Variants in LRP4 observed in about 807,000 individuals in gnomAD.
LRP4 encodes low-density lipoprotein receptor-related protein 4.
LRP4 carries 95 observed loss-of-function variants against 220.3 expected under a neutral mutation model. The observed-to-expected ratio is 0.43, with a 90% confidence interval of 0.37 to 0.51. The LOEUF is 0.51. LRP4 is among the 20% of genes least tolerant of loss of function. LRP4 has a pLI of 0.00. For missense variants in LRP4, 1,925 were observed against 2,567.0 expected (o/e 0.75, Z 5.40); for synonymous variants, 903 against 954.6 (o/e 0.95, Z 1.00).
At chr11:46,887,973 C>T (rs11039018) in intron 16 of LRP4, among the ~76,000 whole-genome samples, 2 of 142,976 alleles carry the variant, frequency 1.4e-5, no homozygotes, top group East Asian at 4.4e-4. Context: ...ACTGTTTACA[C>T]CACTGCACTC....
rs372443375 is a variant in LRP4, at chr11:46,879,235, G to C, written c.2895C>G (p.Thr965=). 1.1e-5 allele frequency: 17 copies of C among 1,614,108 alleles called. No individual in the cohort carries two copies. The highest frequency in any genetic ancestry group is 3.3e-4 in the Middle Eastern group (2 of 6,084). Residue 965 remains threonine (T), a synonymous_variant, in exon 21 of 38, where the codon ACC becomes ACG. Transcript: ENST00000378623. ...GERIYWTDWQ[T]KSIQSADRLT... ...GCCGGTCAGCGCTCTGTATGCTCTT[G>C]GTCTGCCAGTCAGTCCAATAGATGC...
intron 16 of LRP4, 117 bp downstream of exon 16, chr11:46,889,294 C>T: frequency 7.3e-7 from 1 of 1,377,082 alleles, no homozygotes; most frequent in Non-Finnish European, 1.0e-6. Context: ...CTCTCCAGGG[C>T]TCCCTGAGGA....
In LRP4 at chr11:46,899,511, G is replaced by A. The variant is rs150531536; in HGVS notation, c.431-8C>T. 5.0e-4 allele frequency: 798 copies of A among 1,585,514 alleles called. 14 individuals carry two copies. The East Asian group carries it at 0.018, about 35-fold the overall frequency. On this transcript the variant is annotated splice_polypyrimidine_tract_variant and splice_region_variant and intron_variant, in intron 4 of 37. Transcript: ENST00000378623. This position sits in a 1 kb window ranked among gnomAD's most constrained non-coding sequence, Gnocchi z 5.9. ...CGGAGCACTTGCGCATGTCTGGGGGGATGCGATGGGACAGCAGTTCTGAGG... is the reference window on the plus strand; with the variant it reads ...CGGAGCACTTGCGCATGTCTGGGGGAATGCGATGGGACAGCAGTTCTGAGG...
chr11:46,892,805 G>A (rs994728440), intron 13 of LRP4, among the ~76,000 whole-genome samples, 168 bp downstream of exon 13: 3 of 152,080 alleles, frequency 2.0e-5, no homozygotes, highest in African/African-American at 7.2e-5. Context: ...ACTGACCTCA[G>A]GTGATCTGCC....
intron 37 of LRP4, 152 bp from the exon 38 acceptor site, chr11:46,859,467 T>A: frequency 1.4e-6 from 1 of 702,782 alleles, no homozygotes; most frequent in Non-Finnish European, 2.6e-6. Flanking sequence ...AAGACAAGTG[T>A]ATGAGGCCTA....
intron 7 of LRP4, 147 bp downstream of exon 7, chr11:46,898,411 C>T (rs940905464): frequency 1.5e-5 from 16 of 1,075,986 alleles, no homozygotes; most frequent in African/African-American, 4.6e-5. Context: ...GTCTTGAACT[C>T]CTGACCTCAA....
chr11:46,901,764 G>C (rs1430683841), intron 2 of LRP4, among the ~76,000 whole-genome samples: 2 of 151,608 alleles, frequency 1.3e-5, no homozygotes, highest in African/African-American at 2.4e-5. Context: ...ACGGAGTCTC[G>C]CTCTGTCGCC....
Position 46,879,129 on chromosome 11 carries a change from G to A in LRP4, c.3001C>T (p.Pro1001Ser). ...ATGCGAGCCAAGGGCTGCTCACCTGGGGGCCGGCGGCGGTGGAAGACATGG... is the reference window on the plus strand; with the variant it reads ...ATGCGAGCCAAGGGCTGCTCACCTGAGGGCCGGCGGCGGTGGAAGACATGG... ...DIHVFHRRRPPVSTPCAMENG... is the reference protein window; with the variant it reads ...DIHVFHRRRPSVSTPCAMENG... The change falls in exon 21 of 38, where the codon CCA becomes TCA. Residue 1001 changes from proline (P) to serine (S), a missense_variant. Around this residue, in one of 3 missense-constraint regions of LRP4, gnomAD observed 1,244 missense variants for 1,624.9 expected, o/e 0.77. Coordinates refer to ENST00000378623, the MANE Select transcript of LRP4 (RefSeq NM_002334.4). The A allele has an allele frequency of 6.2e-7, 1 of 1,614,232 alleles. No individual in the cohort carries two copies. Among genetic ancestry groups the A allele is most frequent in the Non-Finnish European group, 8.5e-7 (1 of 1,180,032 alleles).
intron 22 of LRP4, among the ~76,000 whole-genome samples, chr11:46,877,915 T>C (rs1941057953): frequency 1.3e-5 from 2 of 152,148 alleles, no homozygotes; most frequent in African/African-American, 4.8e-5. Context: ...ATTATGAAAG[T>C]GGCTCTCTTT....
At chr11:46,917,727 G>A (rs1464517870) in intron 1 of LRP4, among the ~76,000 whole-genome samples, 2 of 152,112 alleles carry the variant, frequency 1.3e-5, no homozygotes, top group African/African-American at 2.4e-5. Context: ...GCCAAGAGAG[G>A]GACCCCGAAA....
Position 46,859,325 on chromosome 11 carries a change from A to C in LRP4, c.5386-10T>G, listed in dbSNP as rs1940476577. On this transcript the variant is annotated splice_polypyrimidine_tract_variant and intron_variant, in intron 37 of 37. Coordinates refer to ENST00000378623, the MANE Select transcript of LRP4 (RefSeq NM_002334.4). ...TATGGTCAGGCCCTCCCTAGGGTGG[A>C]GAGTGGGCAGATATGGTCAGTCAGT... 6.2e-7 allele frequency: 1 copy of C among 1,600,570 alleles called. No homozygotes were observed. The highest frequency in any genetic ancestry group is 8.6e-7 in the Non-Finnish European group (1 of 1,167,926).
chr11:46,865,267 C>T, intron 34 of LRP4, 81 bp from the exon 35 acceptor site: 1 of 1,006,220 alleles, frequency 9.9e-7, no homozygotes, highest in Non-Finnish European at 1.5e-6. Context: ...GGGGGAAAGG[C>T]CTGTAAGTGG....
At chr11:46,863,001 C>T in intron 36 of LRP4, 2 of 504,860 alleles carry the variant, frequency 4.0e-6, no homozygotes, top group South Asian at 2.2e-5. Flanking sequence ...CTTGAGTTGC[C>T]CTCCCTCATT....
rs370281520 is a variant in LRP4 at position 46,883,967 on chromosome 11, C to A, written c.2516G>T (p.Arg839Leu). ...GCCATCTGTGTTGGCTACTTCAATC[C>A]GGTCTGTACCTATCAAGAAGGGATA... is the stretch of plus-strand genomic sequence containing the variant. ...KLYWTDAGTD[R>L]IEVANTDGSM... The change falls in exon 19 of 38, where the codon CGG (arginine) becomes CTG (leucine). Residue 839 changes from arginine to leucine, a missense_variant. By Grantham distance (102) the Arg-to-Leu change is moderately radical. Coordinates refer to ENST00000378623, the MANE Select transcript of LRP4 (RefSeq NM_002334.4). 3 of 1,612,972 alleles carry A rather than the reference C, an allele frequency of 1.9e-6. No homozygotes were observed. Among genetic ancestry groups the A allele is most frequent in the Non-Finnish European group, 2.5e-6 (3 of 1,178,944 alleles).
rs370929769 is a variant in LRP4 at position 46,898,508 on chromosome 11, C to G, written c.796+50G>C. ...GCCGGTAGTGGCCTCTTTGGCTCCA[C>G]AAGCCTTCTCCTTAGTTCAAGCCCA... is the stretch of plus-strand genomic sequence containing the variant. On this transcript the variant is annotated intron_variant, in intron 7 of 37. Coordinates refer to ENST00000378623, the MANE Select transcript of LRP4 (RefSeq NM_002334.4). 8.1e-6 allele frequency: 13 copies of G among 1,612,706 alleles called. No homozygotes were observed. The African/African-American group carries it at 1.7e-4, about 22-fold the overall frequency.
chr11:46,873,634 C>A lies in LRP4; in HGVS notation c.4230-41G>T. 1.3e-6 allele frequency: 2 copies of A among 1,537,046 alleles called. No homozygotes were observed. Among genetic ancestry groups the A allele is most frequent in the South Asian group, 2.3e-5 (2 of 86,818 alleles). On this transcript the variant is annotated intron_variant, in intron 28 of 37. Coordinates refer to ENST00000378623, the MANE Select transcript of LRP4 (RefSeq NM_002334.4). The surrounding 1 kb of genome is among the most constrained non-coding windows in gnomAD (Gnocchi z 4.2). Reference sequence around the variant, plus strand: ...GTGTTGGATGAGCAACCAGACTGACCCAGAATAGAGTAGAACTTTAACCCA... The same window carrying A: ...GTGTTGGATGAGCAACCAGACTGACACAGAATAGAGTAGAACTTTAACCCA...
intron 1 of LRP4, among the ~76,000 whole-genome samples, chr11:46,906,422 C>CT (rs1187968275): frequency 6.6e-6 from 1 of 151,464 alleles, no homozygotes; most frequent in Non-Finnish European, 1.5e-5. Flanking sequence ...CGCCACTGCA[C>CT]TGCAGCCTGG....
At chr11:46,917,550 C>A (rs1941966011) in intron 1 of LRP4, among the ~76,000 whole-genome samples, 1 of 152,200 alleles carries the variant, frequency 6.6e-6, no homozygotes, top group South Asian at 2.1e-4. Context: ...CGCGAGGGCC[C>A]GGCGGCTGCC....
At chr11:46,915,587 C>T (rs534518209) in intron 1 of LRP4, among the ~76,000 whole-genome samples, 78 of 152,296 alleles carry the variant, frequency 5.1e-4, no homozygotes, top group Middle Eastern at 6.8e-3. Context: ...TCTGTCGCCC[C>T]GGCTAGAGTG....
Sources: gnomAD v4.1 joint callset for allele counts (sites outside exome capture counted in the v4.1 genomes callset) on GRCh38, gnomAD v4.1.1 for gene constraint, gnomAD v4.1.1 regional missense constraint, Gnocchi (gnomAD v3.1) non-coding constraint, MANE v1.5 for transcripts, NCBI Gene and HGNC (gene_info 2026-07-23, HGNC 2026-07-21) for gene names.